The following FRMD3 variants were observed in gnomAD, a reference collection of about 807,000 sequenced individuals.
FRMD3 encodes the protein FERM domain containing 3.
FRMD3 carries 33 observed loss-of-function variants against 70.2 expected under a neutral mutation model. That is an observed-to-expected ratio of 0.47 (90% CI 0.36 to 0.63). The LOEUF (loss-of-function observed/expected upper bound fraction) is 0.63, where lower values mean the gene tolerates loss of function less well. Ranked by LOEUF, FRMD3 falls within the 20% of genes least tolerant of loss-of-function variation. The pLI is 0.00. For missense variants in FRMD3, 632 were observed against 711.4 expected (o/e 0.89, Z 1.27); for synonymous variants, 279 against 255.9 (o/e 1.09, Z -0.86).
chr9:83,294,798 A>G (rs916674831), intron 12 of FRMD3, among the ~76,000 whole-genome samples: 2 of 152,182 alleles, frequency 1.3e-5, no homozygotes, highest in African/African-American at 4.8e-5. Context: ...TTGGCCTGCA[A>G]TGTCCCAAAG....
At chr9:83,545,605 C>A in the FRMD3 span, among the ~76,000 whole-genome samples, 2 of 152,122 alleles carry the variant, frequency 1.3e-5, no homozygotes, top group Non-Finnish European at 1.5e-5. Flanking sequence ...GATCTGCCCC[C>A]CTCGGCCTCC....
chr9:83,356,420 C>G (rs1180620659), intron 3 of FRMD3, among the ~76,000 whole-genome samples: 1 of 151,668 alleles, frequency 6.6e-6, no homozygotes, highest in Non-Finnish European at 1.5e-5. Flanking sequence ...GGACTACAGG[C>G]ACCCGCCACC....
intron 12 of FRMD3, chr9:83,297,638 G>A (rs1834727875): frequency 2.3e-6 from 1 of 430,256 alleles, no homozygotes; most frequent in Non-Finnish European, 4.8e-6. Flanking sequence ...TTTTCTCATT[G>A]GTGGGCAGGC....
the FRMD3 span, among the ~76,000 whole-genome samples, chr9:83,570,304 T>G: frequency 6.6e-6 from 1 of 152,024 alleles, no homozygotes; most frequent in East Asian, 1.9e-4. Flanking sequence ...TGAGGGGAAA[T>G]AAGCAGGGAA....
intron 1 of FRMD3, among the ~76,000 whole-genome samples, chr9:83,473,666 G>A (rs771393418): frequency 6.6e-6 from 1 of 152,168 alleles, no homozygotes; most frequent in Non-Finnish European, 1.5e-5. Flanking sequence ...AACATGGAGA[G>A]GAGGAAGAGG....
intron 3 of FRMD3, among the ~76,000 whole-genome samples, chr9:83,361,112 A>C (rs553207149): frequency 6.6e-6 from 1 of 152,348 alleles, no homozygotes; most frequent in East Asian, 1.9e-4. Flanking sequence ...CTTGGAAAGA[A>C]GCTTTGGAAG....
At chr9:83,373,607 C>G (rs1825048733) in intron 2 of FRMD3, among the ~76,000 whole-genome samples, 1 of 152,056 alleles carries the variant, frequency 6.6e-6, no homozygotes, top group Non-Finnish European at 1.5e-5. Flanking sequence ...AGGCACCACG[C>G]TGGTCCCAGT....
chr9:83,440,985 A>G (rs1827277973), intron 1 of FRMD3, among the ~76,000 whole-genome samples: 1 of 152,194 alleles, frequency 6.6e-6, no homozygotes, highest in Admixed American at 6.5e-5. Context: ...AATGAAGCTT[A>G]AAGAGCCAGT....
chr9:83,432,704 A>C (rs1453337325), intron 1 of FRMD3, among the ~76,000 whole-genome samples: 1 of 152,258 alleles, frequency 6.6e-6, no homozygotes, highest in African/African-American at 2.4e-5. Flanking sequence ...TTTAATATGA[A>C]AGGAATTCTT....
intron 13 of FRMD3, among the ~76,000 whole-genome samples, chr9:83,271,895 A>C (rs1833566539): frequency 6.6e-6 from 1 of 152,030 alleles, no homozygotes; most frequent in African/African-American, 2.4e-5. Flanking sequence ...TAGCTCTAAG[A>C]CCTCCTTATC....
intron 1 of FRMD3, chr9:83,467,518 AG>A: frequency 1.2e-6 from 1 of 820,218 alleles, no homozygotes; most frequent in Non-Finnish European, 2.0e-6. Context: ...AATTTGTTTC[AG>A]TGAAAATAAT....
At chr9:83,339,948 G>A (rs1376355328) in intron 5 of FRMD3, among the ~76,000 whole-genome samples, 9 of 152,232 alleles carry the variant, frequency 5.9e-5, no homozygotes, top group Non-Finnish European at 8.8e-5. Context: ...GTCATTTAAC[G>A]AAATGTTAAA....
chr9:83,273,017 GC>G (rs1237982413), intron 13 of FRMD3, among the ~76,000 whole-genome samples: 1 of 138,150 alleles, frequency 7.2e-6, no homozygotes, highest in African/African-American at 2.8e-5. Context: ...GTGGGGGGCA[GC>G]CCCCACCCAG....
the FRMD3 span, among the ~76,000 whole-genome samples, chr9:83,584,238 G>A: frequency 1.3e-5 from 2 of 152,052 alleles, no homozygotes; most frequent in African/African-American, 4.8e-5. Context: ...CGGGACCTGG[G>A]AGATGGAGGC....
upstream of FRMD3, among the ~76,000 whole-genome samples, chr9:83,543,321 G>A (rs1337648781): frequency 6.6e-6 from 1 of 151,974 alleles, no homozygotes. Flanking sequence ...CCATGGAAAG[G>A]GTAAGTGGGG....
At chr9:83,462,444 T>C (rs1169570815) in intron 1 of FRMD3, among the ~76,000 whole-genome samples, 1 of 152,198 alleles carries the variant, frequency 6.6e-6, no homozygotes, top group Admixed American at 6.5e-5. Context: ...TCAGGTCCAG[T>C]GGTTCTGATA....
intron 13 of FRMD3, among the ~76,000 whole-genome samples, chr9:83,283,546 A>T (rs7848634): frequency 0.32 from 8,224 of 25,394 alleles, 787 homozygotes; most frequent in African/African-American, 0.42. Flanking sequence ...AAAAAAAAAA[A>T]AATAATAATA....
rs10611241 is a variant in FRMD3 at position 83,451,389 on chromosome 9, T to TCACACACACACA, written c.148-61693_148-61682dup. ...ACACACAAGCACACAAATACATACA[T>TCACACACACACA]CACACACACACACACACACACACAC... On this transcript the variant is annotated intron_variant, in intron 1 of 13. Transcript: ENST00000304195. Among the ~76,000 whole-genome samples the TCACACACACACA allele has an allele frequency of 3.9e-3, 577 of 147,572 alleles. 8 individuals are homozygous for TCACACACACACA. Among genetic ancestry groups the TCACACACACACA allele is most frequent in the Admixed American group, 0.017 (254 of 14,786 alleles).
chr9:83,244,797 C>T lies in FRMD3; in HGVS notation c.*3121G>A, dbSNP rs889830877. 15 of 984,922 alleles carry T rather than the reference C, an allele frequency of 1.5e-5. No homozygotes were observed. The highest frequency in any genetic ancestry group is 6.2e-5 in the Admixed American group (1 of 16,252). The allele number at this position is 984,922 out of a possible 1,614,324, so 61.0% of individuals were successfully genotyped here. On this transcript the variant is annotated 3_prime_UTR_variant, in exon 14 of 14. Coordinates refer to ENST00000304195, the MANE Select transcript of FRMD3 (RefSeq NM_174938.6). ...AAATAAACTCATTGTGAATTCACCC[C>T]GAGTTGTGTTTATAAATATTAGACA...
Sources: gnomAD v4.1 joint callset for allele counts (sites outside exome capture counted in the v4.1 genomes callset) on GRCh38, gnomAD v4.1.1 for gene constraint, MANE v1.5 for transcripts, NCBI Gene and HGNC (gene_info 2026-07-23, HGNC 2026-07-21) for gene names.